Variants in TANC2 observed in about 807,000 individuals in gnomAD.
TANC2 encodes the protein protein TANC2.
TANC2 carries 26 observed loss-of-function variants against 210.5 expected under a neutral mutation model. The ratio of observed to expected loss-of-function variants is 0.12; its 90% CI spans 0.09 to 0.17. The LOEUF (loss-of-function observed/expected upper bound fraction) is 0.17. Among genes scored for constraint, TANC2 ranks in the 10% least tolerant of loss-of-function variants. The probability of loss-of-function intolerance (pLI) is 1.00; values close to 1 mark genes in which losing one functional copy is unlikely to be tolerated. For synonymous variants in TANC2, 931 were observed against 967.1 expected (o/e 0.96, Z 0.69); for missense variants, 2,129 against 2,608.9 (o/e 0.82, Z 4.01).
In TANC2 at chr17:63,314,380, C is replaced by G; in HGVS notation, c.1160-8C>G. The G allele has an allele frequency of 6.2e-7, 1 of 1,612,520 alleles. No individual in the cohort carries two copies. The highest frequency in any genetic ancestry group is 8.5e-7 in the Non-Finnish European group (1 of 1,178,866). On this transcript the variant is annotated splice_region_variant and splice_polypyrimidine_tract_variant and intron_variant, in intron 9 of 27. Coordinates refer to ENST00000689528, the Ensembl canonical transcript of TANC2. ...GACCTAAGTTCTGCATTCTCTTGTT[C>G]CTTTCAGTTCGCTTTGCACCTTATA...
At chr17:63,106,813 G>T (rs1418744800) in intron 4 of TANC2, among the ~76,000 whole-genome samples, 1 of 151,350 alleles carries the variant, frequency 6.6e-6, no homozygotes, top group Non-Finnish European at 1.5e-5. Context: ...TAATTTTCTA[G>T]TTTTTTTTCT....
At chr17:63,352,462 C>T (rs1054110593) in intron 13 of TANC2, among the ~76,000 whole-genome samples, 1 of 151,990 alleles carries the variant, frequency 6.6e-6, no homozygotes, top group African/African-American at 2.4e-5. Flanking sequence ...AATATAAATC[C>T]ATCTTTACAA....
intron 13 of TANC2, among the ~76,000 whole-genome samples, chr17:63,352,843 G>C (rs1469956062): frequency 1.3e-5 from 2 of 152,054 alleles, no homozygotes; most frequent in African/African-American, 4.8e-5. Flanking sequence ...TGTTCTAGGG[G>C]CTGGAGATTC....
At chr17:63,199,026 A>G (rs138450278) in intron 6 of TANC2, among the ~76,000 whole-genome samples, 3 of 152,306 alleles carry the variant, frequency 2.0e-5, no homozygotes, top group African/African-American at 7.2e-5. Flanking sequence ...AGTCAAATTT[A>G]TCTTTTGTAA....
chr17:63,325,223 G>A (rs1232503698), intron 11 of TANC2, among the ~76,000 whole-genome samples: 1 of 152,086 alleles, frequency 6.6e-6, no homozygotes, highest in Non-Finnish European at 1.5e-5. Flanking sequence ...ATGTTTCCTG[G>A]GGAGCAAAAC....
At chr17:63,413,749 A>G (rs959178679) in intron 25 of TANC2, 115 bp downstream of exon 25, 32 of 958,682 alleles carry the variant, frequency 3.3e-5, no homozygotes, top group Non-Finnish European at 4.8e-5. Flanking sequence ...AAGGGAAACT[A>G]CTGTTCCTCA....
intron 2 of TANC2, among the ~76,000 whole-genome samples, chr17:63,055,297 T>A (rs747528901): frequency 4.6e-5 from 7 of 152,156 alleles, no homozygotes; most frequent in Non-Finnish European, 1.0e-4. Flanking sequence ...TTTTCCCTTT[T>A]GAAATAATGG....
intron 2 of TANC2, among the ~76,000 whole-genome samples, chr17:63,046,575 A>G (rs908133871): frequency 6.6e-6 from 1 of 151,190 alleles, no homozygotes; most frequent in African/African-American, 2.4e-5. Context: ...CAGGTGATCC[A>G]CCTGCCTTGG....
chr17:63,103,847 T>TA, intron 4 of TANC2, among the ~76,000 whole-genome samples: 1 of 152,310 alleles, frequency 6.6e-6, no homozygotes, highest in Admixed American at 6.5e-5. Context: ...CATACTCTTA[T>TA]TAGCTTGTGT....
intron 4 of TANC2, among the ~76,000 whole-genome samples, chr17:63,119,266 C>T (rs1370515291): frequency 2.0e-5 from 3 of 152,152 alleles, no homozygotes; most frequent in African/African-American, 7.2e-5. Context: ...AAAATATATA[C>T]GTCAGTGATA....
intron 7 of TANC2, among the ~76,000 whole-genome samples, chr17:63,212,382 TATC>T (rs1238125897): frequency 1.3e-5 from 2 of 152,194 alleles, no homozygotes; most frequent in African/African-American, 4.8e-5. Context: ...TATAATTGGA[TATC>T]ATCTATATTG....
intron 6 of TANC2, among the ~76,000 whole-genome samples, chr17:63,199,498 A>G (rs2041457803): frequency 6.6e-6 from 1 of 152,028 alleles, no homozygotes; most frequent in Admixed American, 6.6e-5. Flanking sequence ...TGGCGGCTGT[A>G]ATCCCAGCTA....
intron 11 of TANC2, among the ~76,000 whole-genome samples, chr17:63,321,731 C>T (rs1315269770): frequency 1.3e-5 from 2 of 152,146 alleles, no homozygotes; most frequent in African/African-American, 4.8e-5. Context: ...AGTCCTGCAC[C>T]TGATCTCTAC....
At chr17:63,313,540 A>T (rs1374196493) in intron 9 of TANC2, 1 of 152,202 alleles carries the variant, frequency 6.6e-6, no homozygotes, top group African/African-American at 2.4e-5. Flanking sequence ...GCACAGAAAA[A>T]AATCTTGAGA....
intron 7 of TANC2, among the ~76,000 whole-genome samples, chr17:63,236,512 T>C (rs1012108192): frequency 3.9e-5 from 6 of 152,240 alleles, no homozygotes; most frequent in Non-Finnish European, 7.4e-5. Flanking sequence ...TGTTTAAATT[T>C]TATAAATCAA....
At chr17:63,055,806 G>T (rs1253998695) in intron 2 of TANC2, among the ~76,000 whole-genome samples, 1 of 149,564 alleles carries the variant, frequency 6.7e-6, no homozygotes, top group Non-Finnish European at 1.5e-5. Flanking sequence ...GCTTTTTTGA[G>T]TAATGGATTC....
At chr17:63,224,831 C>T (rs1227503947) in intron 7 of TANC2, among the ~76,000 whole-genome samples, 1 of 152,172 alleles carries the variant, frequency 6.6e-6, no homozygotes, top group South Asian at 2.1e-4. Context: ...CCCTTCTAAT[C>T]TCCACCACCA....
Position 63,123,793 on chromosome 17 carries a change from C to T in TANC2, c.322+24436C>T, listed in dbSNP as rs562045987. ...CCTCTGCTCACTGCAACCTCTGCCT[C>T]CTGAGTTCAAGCAATTCTCTGCCTC... On this transcript the variant is annotated intron_variant, in intron 4 of 27. Transcript: ENST00000689528. 3.7e-5 allele frequency among the ~76,000 whole-genome samples: 5 copies of T among 135,246 alleles called. No individual in the cohort carries two copies. In the Admixed American group the frequency reaches 4.0e-4, roughly 11 times the overall value. 88.7% of individuals were successfully genotyped at this position (135,246 alleles called of 152,430 possible).
intron 1 of TANC2, among the ~76,000 whole-genome samples, chr17:62,995,961 C>A (rs1362229973): frequency 6.6e-6 from 1 of 152,202 alleles, no homozygotes; most frequent in Non-Finnish European, 1.5e-5. Flanking sequence ...TAGAATATAT[C>A]TGAGGCATCT....
Sources: gnomAD v4.1 joint callset for allele counts (sites outside exome capture counted in the v4.1 genomes callset) on GRCh38, gnomAD v4.1.1 for gene constraint, MANE v1.5 for transcripts, NCBI Gene and HGNC (gene_info 2026-07-23, HGNC 2026-07-21) for gene names.